The following CAST variants were observed in gnomAD, a reference collection of about 807,000 sequenced individuals.
The protein encoded by CAST is calpastatin.
CAST carries 76 observed loss-of-function variants against 119.6 expected under a neutral mutation model. That is an observed-to-expected ratio of 0.64 (90% CI 0.53 to 0.77). The LOEUF (loss-of-function observed/expected upper bound fraction) is 0.77. Among genes scored for constraint, CAST ranks in the 30% least tolerant of loss-of-function variants. CAST has a pLI of 0.00. For missense variants in CAST, 953 were observed against 946.5 expected, an observed-to-expected ratio of 1.01 and a Z score of -0.09; for synonymous variants, 319 against 331.6, an observed-to-expected ratio of 0.96 and a Z score of 0.41.
chr5:96,544,244 T>G (rs1175356737), intron 1 of CAST, among the ~76,000 whole-genome samples: 1 of 152,232 alleles, frequency 6.6e-6, no homozygotes, highest in African/African-American at 2.4e-5. Flanking sequence ...TTCTATTATT[T>G]TTTAGTTGTA....
the CAST span, among the ~76,000 whole-genome samples, chr5:96,351,290 G>T: frequency 2.0e-5 from 3 of 152,120 alleles, no homozygotes; most frequent in African/African-American, 4.8e-5. Flanking sequence ...TGACCCTTAG[G>T]TTTGGCCATG....
chr5:96,541,292 C>T (rs1348148569), intron 1 of CAST, among the ~76,000 whole-genome samples: 2 of 151,820 alleles, frequency 1.3e-5, no homozygotes, highest in Non-Finnish European at 2.9e-5. Flanking sequence ...TCAGTTGACT[C>T]TTGCATTCTT....
chr5:96,017,918 T>C, the CAST span, among the ~76,000 whole-genome samples: 1 of 152,202 alleles, frequency 6.6e-6, no homozygotes, highest in Non-Finnish European at 1.5e-5. Context: ...TTATTTTATA[T>C]GGAAAGTAAA....
the CAST span, among the ~76,000 whole-genome samples, chr5:96,260,955 G>A: frequency 6.6e-6 from 1 of 152,162 alleles, no homozygotes; most frequent in South Asian, 2.1e-4. Flanking sequence ...GGCTTTATTT[G>A]GTTACACAGA....
the CAST span, among the ~76,000 whole-genome samples, chr5:96,200,071 T>C: frequency 6.6e-6 from 1 of 152,114 alleles, no homozygotes; most frequent in African/African-American, 2.4e-5. Flanking sequence ...ACAGCTAGTC[T>C]GGGGGCATCG....
intron 1 of CAST, among the ~76,000 whole-genome samples, chr5:96,583,837 T>C (rs750305833): frequency 6.9e-4 from 105 of 152,308 alleles, no homozygotes; most frequent in Non-Finnish European, 5.4e-4. Flanking sequence ...AGCTGTCCAC[T>C]AGTGAGAACC....
At chr5:96,531,992 C>T (rs1484359556) in intron 1 of CAST, among the ~76,000 whole-genome samples, 1 of 152,150 alleles carries the variant, frequency 6.6e-6, no homozygotes, top group African/African-American at 2.4e-5. Flanking sequence ...GTGGCATGCA[C>T]CTGTAATCCC....
chr5:96,127,237 A>G, the CAST span, among the ~76,000 whole-genome samples: 3 of 152,136 alleles, frequency 2.0e-5, no homozygotes, highest in South Asian at 6.2e-4. Context: ...ATGCATCATT[A>G]CAAATTACAA....
the CAST span, among the ~76,000 whole-genome samples, chr5:96,124,480 T>A: frequency 5.9e-5 from 9 of 152,208 alleles, no homozygotes; most frequent in Non-Finnish European, 1.2e-4. Flanking sequence ...CTTTTTAAAC[T>A]CTGTGATTTT....
the CAST span, among the ~76,000 whole-genome samples, chr5:96,472,184 T>C: frequency 1.3e-5 from 2 of 152,084 alleles, no homozygotes; most frequent in Non-Finnish European, 2.9e-5. Flanking sequence ...CAGAGGTGAG[T>C]GGAGCAAATT....
chr5:96,192,495 C>T, the CAST span, among the ~76,000 whole-genome samples: 1 of 152,072 alleles, frequency 6.6e-6, no homozygotes, highest in Admixed American at 6.5e-5. Context: ...ACTGTCATAT[C>T]CTTTTGAGAA....
the CAST span, among the ~76,000 whole-genome samples, chr5:96,505,548 G>C: frequency 6.6e-6 from 1 of 152,160 alleles, no homozygotes; most frequent in Admixed American, 6.5e-5. Flanking sequence ...TGTCACTGCT[G>C]AATCTTTAGC....
At chr5:96,477,052 A>G in the CAST span, among the ~76,000 whole-genome samples, 1 of 149,566 alleles carries the variant, frequency 6.7e-6, no homozygotes. Context: ...TAACTGGTAG[A>G]TCAATGTGCC....
the CAST span, among the ~76,000 whole-genome samples, chr5:96,240,444 C>A: frequency 6.6e-6 from 1 of 152,228 alleles, no homozygotes; most frequent in Non-Finnish European, 1.5e-5. Flanking sequence ...CTACTCTTAG[C>A]CAGCTTTCCT....
At chr5:96,001,223 A>G in the CAST span, among the ~76,000 whole-genome samples, 1 of 152,222 alleles carries the variant, frequency 6.6e-6, no homozygotes. Flanking sequence ...AAGCAAAGGT[A>G]AGAAAAAGAT....
chr5:96,191,848 G>T, the CAST span, among the ~76,000 whole-genome samples: 3 of 152,190 alleles, frequency 2.0e-5, no homozygotes, highest in African/African-American at 7.2e-5. Flanking sequence ...GATTACAGGC[G>T]TGTGCCACTG....
At chr5:95,986,260 G>T in the CAST span, 1 of 152,172 alleles carries the variant, frequency 6.6e-6, no homozygotes, top group African/African-American at 2.4e-5. Flanking sequence ...CAGAACATAC[G>T]CAGTCTCCTC....
At chr5:96,402,425 TTGGTCAGGCCTCC>T in the CAST span, among the ~76,000 whole-genome samples, 1 of 152,152 alleles carries the variant, frequency 6.6e-6, no homozygotes, top group Non-Finnish European at 1.5e-5. Context: ...CCTAGGTCCC[TTGGTCAGGCCTCC>T]TCGTGGAGAG....
the CAST span, among the ~76,000 whole-genome samples, chr5:96,107,042 C>A: frequency 7.0e-6 from 1 of 143,442 alleles, no homozygotes; most frequent in Non-Finnish European, 1.5e-5. Context: ...ACTAGGATTG[C>A]AACCCCTGCC....
Sources: gnomAD v4.1 joint callset for allele counts (sites outside exome capture counted in the v4.1 genomes callset) on GRCh38, gnomAD v4.1.1 for gene constraint, MANE v1.5 for transcripts, NCBI Gene and HGNC (gene_info 2026-07-23, HGNC 2026-07-21) for gene names.